Variants in SYNE1 observed in about 807,000 individuals in gnomAD.
SYNE1 encodes spectrin repeat containing nuclear envelope protein 1.
In SYNE1, 616 loss-of-function variants were observed where a neutral mutation model predicts 1,111.0. The observed-to-expected ratio is 0.55, with a 90% CI of 0.52 to 0.59. The LOEUF (loss-of-function observed/expected upper bound fraction) is 0.59. SYNE1 is among the 20% of genes least tolerant of loss of function. SYNE1 has a pLI of 0.00. For synonymous variants in SYNE1, 3,855 were observed against 3,825.8 expected (o/e 1.01, Z -0.28); for missense variants, 10,006 against 10,417.0 (o/e 0.96, Z 1.72).
chr6:152,606,990 T>TTTC (rs1378184924), intron 3 of SYNE1, among the ~76,000 whole-genome samples: 1 of 134,834 alleles, frequency 7.4e-6, no homozygotes, highest in African/African-American at 2.9e-5. Flanking sequence ...TTTTTTTTTT[T>TTTC]TTTTTTTTTT....
intron 145 of SYNE1, chr6:152,129,139 A>G (rs888435873): frequency 2.6e-5 from 4 of 152,262 alleles, no homozygotes; most frequent in Non-Finnish European, 5.9e-5. Flanking sequence ...ATGAGGAAGC[A>G]CTTGCTGCCC....
chr6:152,455,839 C>T (rs1232353553), intron 23 of SYNE1, 47 bp downstream of exon 23: 2 of 1,613,216 alleles, frequency 1.2e-6, no homozygotes, highest in South Asian at 2.2e-5. Flanking sequence ...TGTCCTCACT[C>T]TGCATTTTCC....
At chr6:152,460,615 A>G (rs1026264983) in intron 21 of SYNE1, among the ~76,000 whole-genome samples, 1 of 151,998 alleles carries the variant, frequency 6.6e-6, no homozygotes, top group Non-Finnish European at 1.5e-5. Flanking sequence ...GAAATTAATT[A>G]CCCAATCTAG....
intron 98 of SYNE1, among the ~76,000 whole-genome samples, chr6:152,273,651 C>T (rs1305660488): frequency 6.6e-6 from 1 of 152,166 alleles, no homozygotes; most frequent in East Asian, 1.9e-4. Flanking sequence ...TAAATGTCAA[C>T]GTTTAAAAGT....
chr6:152,423,783 C>T (rs2098307891), intron 39 of SYNE1, among the ~76,000 whole-genome samples: 2 of 152,204 alleles, frequency 1.3e-5, no homozygotes, highest in Non-Finnish European at 2.9e-5. Flanking sequence ...CACTGACTTC[C>T]TCTCTGTCTC....
intron 91 of SYNE1, among the ~76,000 whole-genome samples, chr6:152,306,525 A>AATAC (rs1387552483): frequency 1.4e-5 from 2 of 145,960 alleles, no homozygotes; most frequent in African/African-American, 2.5e-5. Context: ...TAAATAAATA[A>AATAC]ATACCTCATA....
At chr6:152,426,596 G>C (rs2098359996) in intron 38 of SYNE1, among the ~76,000 whole-genome samples, 1 of 152,272 alleles carries the variant, frequency 6.6e-6, no homozygotes, top group South Asian at 2.1e-4. Flanking sequence ...CCTTGAGTCA[G>C]TGTCTTCATT....
chr6:152,498,793 C>T lies in SYNE1; in HGVS notation c.889-1G>A. The T allele has an allele frequency of 6.7e-7, 1 of 1,498,556 alleles. No individual in the cohort carries two copies. Among genetic ancestry groups the T allele is most frequent in the East Asian group, 2.3e-5 (1 of 43,072 alleles). The allele number at this position is 1,498,556 out of a possible 1,614,324, so 92.8% of individuals were successfully genotyped here. A position where few individuals can be genotyped will look rare whatever the true frequency, so the allele number is the denominator to read the frequency against. On this transcript the variant is annotated splice_acceptor_variant, in intron 10 of 145. Coordinates refer to ENST00000367255, the MANE Select transcript of SYNE1 (RefSeq NM_182961.4). LOFTEE classifies it high-confidence loss of function. ...AAGATGGGAAACCTGGAAGTATTTC[C>T]TAACAATATGAAAAGATAATATATA... is the stretch of plus-strand genomic sequence containing the variant.
rs371229610 is a variant in SYNE1 at position 152,381,253 on chromosome 6, G to T, written c.8762C>A (p.Thr2921Lys). Residue 2921 changes from threonine to lysine, a missense_variant, in exon 56 of 146, where the codon ACG (threonine) becomes AAG (lysine). Coordinates refer to ENST00000367255, the MANE Select transcript of SYNE1 (RefSeq NM_182961.4). ...GTCGGCACGCAGGGCCTGCATCTCC[G>T]TGTGCATGAGCTCACACCCACTGGC... is the stretch of plus-strand genomic sequence containing the variant. ...TTASGCELMH[T>K]EMQALRADWK... 8 of 1,614,198 alleles carry T rather than the reference G, an allele frequency of 5.0e-6. No individual in the cohort carries two copies. The highest frequency in any genetic ancestry group is 6.8e-6 in the Non-Finnish European group (8 of 1,180,042).
intron 131 of SYNE1, among the ~76,000 whole-genome samples, chr6:152,160,544 G>A (rs772259471): frequency 1.1e-4 from 17 of 152,124 alleles, no homozygotes; most frequent in Non-Finnish European, 1.6e-4. Flanking sequence ...GCTTTAGTGC[G>A]TGTAGCATAT....
At position 152,294,065 on chromosome 6, in the gene SYNE1, G is replaced by A. The variant is rs12664753; in HGVS notation, c.17745C>T (p.His5915=). 0.19 allele frequency: 302,460 copies of A among 1,613,740 alleles called. 30,213 individuals are homozygous for A. The highest frequency in any genetic ancestry group is 0.22 in the South Asian group (19,590 of 91,066). Residue 5915 remains histidine (H), a synonymous_variant, in exon 94 of 146, where the codon CAC becomes CAT. Coordinates refer to ENST00000367255, the MANE Select transcript of SYNE1 (RefSeq NM_182961.4). The stretch of plus-strand genomic sequence containing the variant: ...ACTCCTGGGATGCGGATGTGCTGGG[G>A]TGAATTTTTGCAGCATCTGTCTGCA... ...ERLQTDAAKI[H]PSTSASQEFY...
intron 3 of SYNE1, among the ~76,000 whole-genome samples, chr6:152,596,532 A>G (rs1365776278): frequency 6.6e-6 from 1 of 152,180 alleles, no homozygotes; most frequent in Non-Finnish European, 1.5e-5. Context: ...CTGGGATTAC[A>G]GGAGTGAGCC....
intron 141 of SYNE1, among the ~76,000 whole-genome samples, chr6:152,135,485 G>C (rs1471610223): frequency 6.6e-6 from 1 of 151,984 alleles, no homozygotes. Context: ...CGTTATTTCT[G>C]AAAAAAGGGT....
intron 95 of SYNE1, among the ~76,000 whole-genome samples, chr6:152,290,106 A>G (rs1033022604): frequency 1.3e-5 from 2 of 152,190 alleles, no homozygotes; most frequent in Non-Finnish European, 2.9e-5. Context: ...AAATAACCAC[A>G]GACCTCTGTG....
intron 53 of SYNE1, among the ~76,000 whole-genome samples, chr6:152,389,271 G>A (rs949382123): frequency 2.0e-5 from 3 of 152,072 alleles, no homozygotes; most frequent in Admixed American, 2.0e-4. Context: ...CGTGTCATGG[G>A]GGTTTGCTGC....
At chr6:152,213,868 C>A in intron 122 of SYNE1, 109 bp from the exon 123 acceptor site, 1 of 1,481,322 alleles carries the variant, frequency 6.8e-7, no homozygotes, top group Non-Finnish European at 9.3e-7. Flanking sequence ...AATTGAACCA[C>A]CACAAAGCTT....
At chr6:152,382,028 T>A (rs968043551) in intron 55 of SYNE1, among the ~76,000 whole-genome samples, 1 of 152,212 alleles carries the variant, frequency 6.6e-6, no homozygotes. Flanking sequence ...AATTTAACAG[T>A]TTAGCTATAG....
chr6:152,156,720 T>C (rs766916718), intron 131 of SYNE1, among the ~76,000 whole-genome samples: 11 of 152,212 alleles, frequency 7.2e-5, no homozygotes, highest in Non-Finnish European at 1.5e-4. Flanking sequence ...CAAATACTTT[T>C]GATCTACGGT....
intron 3 of SYNE1, among the ~76,000 whole-genome samples, chr6:152,542,607 C>A (rs1595011309): frequency 6.6e-6 from 1 of 151,924 alleles, no homozygotes; most frequent in South Asian, 2.1e-4. Context: ...CACTGAACTA[C>A]CAAGGTCATC....
Sources: gnomAD v4.1 joint callset for allele counts (sites outside exome capture counted in the v4.1 genomes callset) on GRCh38, gnomAD v4.1.1 for gene constraint, MANE v1.5 for transcripts, NCBI Gene and HGNC (gene_info 2026-07-23, HGNC 2026-07-21) for gene names.